Variants in SLC49A3 observed in about 807,000 individuals in gnomAD.
SLC49A3 encodes the protein solute carrier family 49 member A3.
Under a neutral mutation model 43.8 loss-of-function variants are expected in SLC49A3, and 50 were observed. The observed-to-expected ratio is 1.14, with a 90% CI of 0.91 to 1.45. The LOEUF is 1.45. Among genes scored for constraint, SLC49A3 ranks in the 40% most tolerant of loss-of-function variants. The pLI is 0.00. For missense variants in SLC49A3, 906 were observed against 774.1 expected (o/e 1.17, Z -2.02); for synonymous variants, 413 against 352.0 (o/e 1.17, Z -1.94).
rs1365947506 is a variant in SLC49A3 at position 685,004 on chromosome 4, A to T, written c.586-148T>A. 8.7e-7 allele frequency: 1 copy of T among 1,143,728 alleles called. No individual in the cohort carries two copies. Among genetic ancestry groups the T allele is most frequent in the Non-Finnish European group, 1.2e-6 (1 of 836,414 alleles). 70.8% of individuals were successfully genotyped at this position (1,143,728 alleles called of 1,614,324 possible). A position where few individuals can be genotyped will look rare whatever the true frequency, so the allele number is the denominator to read the frequency against. Reference sequence around the variant, plus strand: ...CTCTGGTCTGCAGCTGCCCTTTGCGAGGCCCAGGCTGGGAGGGGCCTGCTC... The same window carrying T: ...CTCTGGTCTGCAGCTGCCCTTTGCGTGGCCCAGGCTGGGAGGGGCCTGCTC... On this transcript the variant is annotated intron_variant, in intron 4 of 9. Transcript: ENST00000322224. This position sits in a 1 kb window ranked among gnomAD's most constrained non-coding sequence, Gnocchi z 4.3.
chr4:681,150 G>A (rs1431685128), downstream of SLC49A3: 2 of 1,602,074 alleles, frequency 1.2e-6, no homozygotes, highest in Non-Finnish European at 1.7e-6. Flanking sequence ...GGTCTGGCCC[G>A]CGGCTTCCCT....
downstream of SLC49A3, chr4:681,191 C>A: frequency 6.4e-7 from 1 of 1,571,576 alleles, no homozygotes; most frequent in Non-Finnish European, 8.6e-7. Flanking sequence ...GCGGGGCTCC[C>A]GGGGTCAGCT....
intron 9 of SLC49A3, 121 bp from the exon 10 acceptor site, chr4:682,497 GC>G: frequency 1.8e-6 from 2 of 1,086,690 alleles, no homozygotes; most frequent in South Asian, 3.8e-5. Context: ...CAGACGGAGA[GC>G]CCACTCGCAG....
downstream of SLC49A3, chr4:678,535 C>CCCCCT: frequency 2.0e-6 from 3 of 1,464,182 alleles, no homozygotes; most frequent in African/African-American, 2.8e-5. Flanking sequence ...AGCTGTCTGG[C>CCCCCT]CCCCTCCAGC....
intron 8 of SLC49A3, 53 bp downstream of exon 8, chr4:683,157 G>A (rs144361950): frequency 5.6e-6 from 9 of 1,607,722 alleles, no homozygotes; most frequent in East Asian, 4.5e-5. Flanking sequence ...GGGTGTAGGG[G>A]TGGAGCAAGG....
chr4:691,008 C>G (rs1048694063), upstream of SLC49A3, among the ~76,000 whole-genome samples: 1 of 152,208 alleles, frequency 6.6e-6, no homozygotes, highest in African/African-American at 2.4e-5. Flanking sequence ...AACCATGGGC[C>G]GGGTGCGGTG....
At chr4:689,406 G>A (rs1346658166), upstream of SLC49A3, 7 of 265,112 alleles carry the variant, frequency 2.6e-5, 1 homozygote, top group South Asian at 5.1e-4. Flanking sequence ...TGTCCCTTCC[G>A]GGAAGGGCCC....
downstream of SLC49A3, among the ~76,000 whole-genome samples, chr4:677,761 C>T (rs568870850): frequency 3.9e-5 from 6 of 152,084 alleles, no homozygotes; most frequent in African/African-American, 7.2e-5. Context: ...CCCCGGGGTT[C>T]GGGGACAGGT....
In SLC49A3 at chr4:682,152, C is replaced by G. The variant is rs775214097; in HGVS notation, c.1486G>C (p.Ala496Pro). Residue 496 changes from alanine (A) to proline (P), a missense_variant, in exon 10 of 10, where the codon GCC (alanine) becomes CCC (proline). Transcript: ENST00000322224. ...GGCCCTCTGGGGTCCTCTAGCGAGG[C>G]CCCCCTCGCCGTGCACTCCGGAGTC... ...TATPECTARG[A>P]SLEDPRGPGS... 4 of 1,337,440 alleles carry G rather than the reference C, an allele frequency of 3.0e-6. No individual in the cohort carries two copies. Among genetic ancestry groups the G allele is most frequent in the Non-Finnish European group, 3.9e-6 (4 of 1,032,978 alleles). The allele number at this position is 1,337,440 out of a possible 1,614,324, so 82.8% of individuals were successfully genotyped here.
chr4:682,963 T>C, intron 8 of SLC49A3, 73 bp from the exon 9 acceptor site: 1 of 1,333,798 alleles, frequency 7.5e-7, no homozygotes, highest in Non-Finnish European at 1.0e-6. Context: ...TTGGGAAATG[T>C]TGACATCGGT....
chr4:680,420 G>A, downstream of SLC49A3: 1 of 1,304,292 alleles, frequency 7.7e-7, no homozygotes, highest in Non-Finnish European at 1.1e-6. Flanking sequence ...CCCCTGCTTG[G>A]GGCAGGGGTC....
At position 682,129 on chromosome 4, in the gene SLC49A3, C is replaced by T. The variant is rs777535683; in HGVS notation, c.1509G>A (p.Gly503=). 5 of 1,346,792 alleles carry T rather than the reference C, an allele frequency of 3.7e-6. No homozygotes were observed. Among genetic ancestry groups the T allele is most frequent in the Non-Finnish European group, 3.9e-6 (4 of 1,037,540 alleles). 83.4% of individuals were successfully genotyped at this position (1,346,792 alleles called of 1,614,324 possible). A position where few individuals can be genotyped will look rare whatever the true frequency, so the allele number is the denominator to read the frequency against. The change falls in exon 10 of 10, where the codon GGG becomes GGA. Residue 503 remains glycine (G), a synonymous_variant. Coordinates refer to ENST00000322224, the MANE Select transcript of SLC49A3 (RefSeq NM_032219.4). ...ARGASLEDPR[G]PGSPHPACHR... The stretch of plus-strand genomic sequence containing the variant: ...GGCAGGCTGGGTGGGGGCTCCCGGG[C>T]CCTCTGGGGTCCTCTAGCGAGGCCC...
intron 7 of SLC49A3, 90 bp downstream of exon 7, chr4:683,519 C>T: frequency 1.3e-6 from 2 of 1,510,146 alleles, no homozygotes; most frequent in Non-Finnish European, 1.8e-6. Flanking sequence ...CAGTCCAGAC[C>T]TCTGTTCCAG....
At chr4:681,657 GCCGCCCCGCCCCCTC>G (rs1229518204), downstream of SLC49A3, among the ~76,000 whole-genome samples, 11 of 10,130 alleles carry the variant, frequency 1.1e-3, no homozygotes, top group Admixed American at 1.9e-3. Context: ...CCCCTCCAGC[GCCGCCCCGCCCCCTC>G]CAGCGCCGCC....
At position 685,764 on chromosome 4, in the gene SLC49A3, G is replaced by T. The variant is rs1220107203; in HGVS notation, c.585+71C>A. ...GGCACAGGAACACGGACACACTTGG[G>T]ATCAGGAACACACAGACGTGCATGC... On this transcript the variant is annotated intron_variant, in intron 4 of 9. Transcript: ENST00000322224. The surrounding 1 kb of genome is among the most constrained non-coding windows in gnomAD (Gnocchi z 4.3). 5.9e-6 allele frequency: 9 copies of T among 1,514,448 alleles called. No homozygotes were observed. Among genetic ancestry groups the T allele is most frequent in the African/African-American group, 1.4e-5 (1 of 72,726 alleles). 93.8% of individuals were successfully genotyped at this position (1,514,448 alleles called of 1,614,324 possible).
At chr4:677,434 C>T (rs1011817187), downstream of SLC49A3, among the ~76,000 whole-genome samples, 2 of 152,242 alleles carry the variant, frequency 1.3e-5, no homozygotes, top group Non-Finnish European at 2.9e-5. Flanking sequence ...TCCATGGCTC[C>T]TCCAACCCAG....
chr4:684,895 C>T (rs372860104), intron 4 of SLC49A3, 39 bp from the exon 5 acceptor site: 1 of 1,594,448 alleles, frequency 6.3e-7, no homozygotes, highest in South Asian at 1.1e-5. Flanking sequence ...ACCACGCAGA[C>T]TGGCACCCAC....
At chr4:677,698 A>G (rs566373409), downstream of SLC49A3, among the ~76,000 whole-genome samples, 10 of 152,266 alleles carry the variant, frequency 6.6e-5, no homozygotes, top group African/African-American at 2.2e-4. Context: ...CCCAGCCAAG[A>G]GCGTGTACAG....
downstream of SLC49A3, chr4:680,121 C>T (rs1363338016): frequency 2.6e-6 from 3 of 1,150,260 alleles, no homozygotes; most frequent in Non-Finnish European, 3.7e-6. Context: ...TCTGGAGAAG[C>T]CCTAGGGCCT....
Sources: gnomAD v4.1 joint callset for allele counts (sites outside exome capture counted in the v4.1 genomes callset) on GRCh38, gnomAD v4.1.1 for gene constraint, Gnocchi (gnomAD v3.1) non-coding constraint, MANE v1.5 for transcripts, NCBI Gene and HGNC (gene_info 2026-07-23, HGNC 2026-07-21) for gene names.